MAP3K4: variants seen among roughly 807,000 people sequenced by gnomAD.
MAP3K4 encodes the protein mitogen-activated protein kinase kinase kinase 4.
Under a neutral mutation model 185.6 loss-of-function variants are expected in MAP3K4, and 67 were observed. The ratio of observed to expected loss-of-function variants is 0.36; its 90% CI spans 0.30 to 0.44. The LOEUF (loss-of-function observed/expected upper bound fraction) is 0.44, where lower values mean the gene tolerates loss of function less well. Among genes scored for constraint, MAP3K4 ranks in the 20% least tolerant of loss-of-function variants. The pLI is 1.00. For synonymous variants in MAP3K4, 702 were observed against 710.4 expected (o/e 0.99, Z 0.19); for missense variants, 1,551 against 1,995.1 (o/e 0.78, Z 4.24).
chr6:161,030,920 T>C (rs1489586559), intron 1 of MAP3K4, among the ~76,000 whole-genome samples: 1 of 152,224 alleles, frequency 6.6e-6, no homozygotes, highest in Non-Finnish European at 1.5e-5. Flanking sequence ...TAAGAAAATA[T>C]TAAATTCATT....
intron 1 of MAP3K4, among the ~76,000 whole-genome samples, chr6:161,020,728 A>C (rs1782347921): frequency 6.6e-6 from 1 of 151,930 alleles, no homozygotes; most frequent in South Asian, 2.1e-4. Context: ...ATTCAAGTTC[A>C]GGGAATTCTT....
At position 161,070,766 on chromosome 6, in the gene MAP3K4, C is replaced by G. The variant is rs1320846447; in HGVS notation, c.1866C>G (p.Val622=). ...CTGCCTTCCTAGTTCTCTGCCGAGT[C>G]CTTCTGAATGTCATACATGAGTGTC... ...FEPAFLVLCR[V]LLNVIHECLK... Residue 622 remains valine, a synonymous_variant, in exon 4 of 27, where the codon GTC becomes GTG. Coordinates refer to ENST00000392142, the MANE Select transcript of MAP3K4 (RefSeq NM_005922.4). This position sits in a 1 kb window ranked among gnomAD's most constrained non-coding sequence, Gnocchi z 4.5. 8.7e-6 allele frequency: 14 copies of G among 1,613,964 alleles called. No individual in the cohort carries two copies. The highest frequency in any genetic ancestry group is 1.3e-5 in the African/African-American group (1 of 74,916).
Position 161,063,869 on chromosome 6 carries a change from C to T in MAP3K4, c.1708-6739C>T, listed in dbSNP as rs1189257299. Among the ~76,000 whole-genome samples, 1 of 152,106 alleles carries T rather than the reference C, an allele frequency of 6.6e-6. No homozygotes were observed. Among genetic ancestry groups the T allele is most frequent in the African/African-American group, 2.4e-5 (1 of 41,416 alleles). On this transcript the variant is annotated intron_variant, in intron 3 of 26. Transcript: ENST00000392142. The surrounding 1 kb of genome is among the most constrained non-coding windows in gnomAD (Gnocchi z 5.4). ...TTGCCTCTTTACGCCCTTCAGACAC[C>T]CTGTTAATTTCCTCTGCTTCCCTCC...
chr6:161,068,299 G>A (rs960257709), intron 3 of MAP3K4, among the ~76,000 whole-genome samples: 3 of 152,226 alleles, frequency 2.0e-5, no homozygotes, highest in Non-Finnish European at 4.4e-5. Flanking sequence ...GGCAATCACA[G>A]AAAACTTCAT....
Position 161,109,689 on chromosome 6 carries a change from G to T in MAP3K4, c.4237-66G>T. 6.4e-7 allele frequency: 1 copy of T among 1,569,758 alleles called. No individual in the cohort carries two copies. Among genetic ancestry groups the T allele is most frequent in the Non-Finnish European group, 8.7e-7 (1 of 1,144,016 alleles). On this transcript the variant is annotated intron_variant, in intron 22 of 26. Coordinates refer to ENST00000392142, the MANE Select transcript of MAP3K4 (RefSeq NM_005922.4). The surrounding 1 kb of genome is among the most constrained non-coding windows in gnomAD (Gnocchi z 5.7). ...GGGGTGTGGCCTAGGAAGTTTTCCA[G>T]ATTTTTCACTAGCGTACATCTAAGG... is the stretch of plus-strand genomic sequence containing the variant.
At chr6:161,035,280 C>G in intron 2 of MAP3K4, among the ~76,000 whole-genome samples, 1 of 152,138 alleles carries the variant, frequency 6.6e-6, no homozygotes, top group East Asian at 1.9e-4. Flanking sequence ...TTCATCTTGT[C>G]TGAGAAATTT....
intron 1 of MAP3K4, among the ~76,000 whole-genome samples, chr6:161,001,442 C>T (rs1379617333): frequency 6.6e-6 from 1 of 151,946 alleles, no homozygotes; most frequent in Non-Finnish European, 1.5e-5. Flanking sequence ...TTGACATTTC[C>T]CCCGCTTCCC....
In MAP3K4 at chr6:161,049,427, CT is replaced by C; in HGVS notation, c.1157del (p.Phe386SerfsTer12). 1 of 1,614,064 alleles carries C rather than the reference CT, an allele frequency of 6.2e-7. No homozygotes were observed. The highest frequency in any genetic ancestry group is 8.5e-7 in the Non-Finnish European group (1 of 1,179,956). On this transcript the variant is annotated frameshift_variant, in exon 3 of 27. Coordinates refer to ENST00000392142, the MANE Select transcript of MAP3K4 (RefSeq NM_005922.4). LOFTEE classifies it high-confidence loss of function. This position sits in a 1 kb window ranked among gnomAD's most constrained non-coding sequence, Gnocchi z 8.4. The stretch of plus-strand genomic sequence containing the variant: ...ACTATGAAAAATATGCTGCAAAAGA[CT>C]TCCAGGACAGGGTGCAGGCACTCTG... ...KDYEKYAAKD[F>X]QDRVQALCLW...
chr6:161,097,256 C>A lies in MAP3K4; in HGVS notation c.3524+80C>A. The A allele has an allele frequency of 1.7e-6, 2 of 1,192,058 alleles. No homozygotes were observed. Among genetic ancestry groups the A allele is most frequent in the Non-Finnish European group, 2.5e-6 (2 of 807,338 alleles). 73.8% of individuals were successfully genotyped at this position (1,192,058 alleles called of 1,614,324 possible). ...CTCATACTTTTGAAACTACTAGATG[C>A]TTGCTCTGAGAGCTAAATACCTTTT... On this transcript the variant is annotated intron_variant, in intron 16 of 26. Transcript: ENST00000392142. The surrounding 1 kb of genome is among the most constrained non-coding windows in gnomAD (Gnocchi z 4.9).
chr6:161,000,832 CATACACATGTGTACGCACAT>C (rs1294378218), intron 1 of MAP3K4, among the ~76,000 whole-genome samples: 1 of 144,314 alleles, frequency 6.9e-6, no homozygotes, highest in South Asian at 2.1e-4. Context: ...TGTATGCACA[CATACACATGTGTACGCACAT>C]ATACACATGT....
intron 1 of MAP3K4, among the ~76,000 whole-genome samples, chr6:161,001,782 A>G (rs1477871726): frequency 2.0e-5 from 3 of 152,206 alleles, no homozygotes; most frequent in Non-Finnish European, 4.4e-5. Context: ...CGCATTTGAA[A>G]GGCAAAAATA....
rs559683901 is a variant in MAP3K4 at position 161,017,493 on chromosome 6, A to G, written c.153-16766A>G. Among the ~76,000 whole-genome samples, 1 of 152,330 alleles carries G rather than the reference A, an allele frequency of 6.6e-6. No individual in the cohort carries two copies. Among genetic ancestry groups the G allele is most frequent in the Admixed American group, 6.5e-5 (1 of 15,296 alleles). On this transcript the variant is annotated intron_variant, in intron 1 of 26. Transcript: ENST00000392142. The surrounding 1 kb of genome is among the most constrained non-coding windows in gnomAD (Gnocchi z 5.1). ...TTCTATTTATTTGGATATTTTAAATAGTATTAGGTTTGTAAAAGCCTAAGT... is the reference window on the plus strand; with the variant it reads ...TTCTATTTATTTGGATATTTTAAATGGTATTAGGTTTGTAAAAGCCTAAGT...
rs1013977382 is a variant in MAP3K4, at chr6:161,051,779, G to C, written c.1707+1800G>C. On this transcript the variant is annotated intron_variant, in intron 3 of 26. Transcript: ENST00000392142. The surrounding 1 kb of genome is among the most constrained non-coding windows in gnomAD (Gnocchi z 4.2). ...TCCTGTATGCTTTAAATCATCTATAGATTACTTATAATACCTAATACAATG... is the reference window on the plus strand; with the variant it reads ...TCCTGTATGCTTTAAATCATCTATACATTACTTATAATACCTAATACAATG... Among the ~76,000 whole-genome samples, 4 of 152,054 alleles carry C rather than the reference G, an allele frequency of 2.6e-5. No homozygotes were observed. The highest frequency in any genetic ancestry group is 5.9e-5 in the Non-Finnish European group (4 of 68,010).
At chr6:160,997,247 ATC>A (rs1455546759) in intron 1 of MAP3K4, among the ~76,000 whole-genome samples, 4 of 151,892 alleles carry the variant, frequency 2.6e-5, no homozygotes, top group African/African-American at 7.3e-5. Context: ...TCTCCCCATA[ATC>A]TCTGTCCCAC....
At chr6:161,040,080 C>G (rs1246509487) in intron 2 of MAP3K4, among the ~76,000 whole-genome samples, 1 of 152,150 alleles carries the variant, frequency 6.6e-6, no homozygotes, top group Admixed American at 6.5e-5. Flanking sequence ...TGCAAAAGGA[C>G]AGTTCATTTT....
chr6:161,117,112 G>A lies in MAP3K4; in HGVS notation c.*242G>A, dbSNP rs183180977. On this transcript the variant is annotated 3_prime_UTR_variant, in exon 27 of 27. Transcript: ENST00000392142. The stretch of plus-strand genomic sequence containing the variant: ...GTTAAGTGCCATTACTACTGTACAC[G>A]GACCATCGCCTCTGTCTCCTCCGTG... 1.9e-5 allele frequency: 10 copies of A among 523,840 alleles called. No homozygotes were observed. The highest frequency in any genetic ancestry group is 3.1e-5 in the East Asian group (1 of 32,122). The allele number at this position is 523,840 out of a possible 1,614,324, so 32.4% of individuals were successfully genotyped here. A position where few individuals can be genotyped will look rare whatever the true frequency, so the allele number is the denominator to read the frequency against.
rs765472087 is a variant in MAP3K4 at position 161,048,983 on chromosome 6, A to G, written c.711A>G (p.Ser237=). The G allele has an allele frequency of 3.7e-5, 60 of 1,613,926 alleles. No homozygotes were observed. Among genetic ancestry groups the G allele is most frequent in the Non-Finnish European group, 3.4e-6 (4 of 1,179,958 alleles). ...ETLRLLLKLT[S]VSKKKDREQR... ...TACGACTTTTGCTAAAGCTTACCTC[A>G]GTCTCAAAGAAAAAAGACAGGGAGC... Residue 237 remains serine, a synonymous_variant, in exon 3 of 27, where the codon TCA becomes TCG. Coordinates refer to ENST00000392142, the MANE Select transcript of MAP3K4 (RefSeq NM_005922.4). This position sits in a 1 kb window ranked among gnomAD's most constrained non-coding sequence, Gnocchi z 4.7.
rs939919545 is a variant in MAP3K4 at position 161,074,044 on chromosome 6, G to T, written c.2097+432G>T. The stretch of plus-strand genomic sequence containing the variant: ...TTTATAATACCTAGGATGTGCTAGG[G>T]ACCTTGCATGGCTCTGGGAGTGTTG... On this transcript the variant is annotated intron_variant, in intron 5 of 26. Transcript: ENST00000392142. The surrounding 1 kb of genome is among the most constrained non-coding windows in gnomAD (Gnocchi z 5.0). 1.3e-5 allele frequency among the ~76,000 whole-genome samples: 2 copies of T among 152,192 alleles called. No homozygotes were observed. The highest frequency in any genetic ancestry group is 4.8e-5 in the African/African-American group (2 of 41,438).
At position 161,091,542 on chromosome 6, in the gene MAP3K4, T is replaced by C; in HGVS notation, c.3135+2T>C. Reference sequence around the variant, plus strand: ...CAGGGGTACAATTTTGGATTTGAGGTAGGTTCAAAATAAGAGGAAACACGG... The same window carrying C: ...CAGGGGTACAATTTTGGATTTGAGGCAGGTTCAAAATAAGAGGAAACACGG... On this transcript the variant is annotated splice_donor_variant, in intron 12 of 26. Coordinates refer to ENST00000392142, the MANE Select transcript of MAP3K4 (RefSeq NM_005922.4). LOFTEE classifies it high-confidence loss of function. This position sits in a 1 kb window ranked among gnomAD's most constrained non-coding sequence, Gnocchi z 5.5. 1 of 1,609,984 alleles carries C rather than the reference T, an allele frequency of 6.2e-7. No homozygotes were observed. Among genetic ancestry groups the C allele is most frequent in the South Asian group, 1.1e-5 (1 of 90,462 alleles).
Sources: allele counts gnomAD v4.1 joint callset (sites outside exome capture counted in the v4.1 genomes callset), GRCh38; gene constraint gnomAD v4.1.1; non-coding constraint Gnocchi (gnomAD v3.1); transcripts MANE v1.5; gene names NCBI Gene and HGNC (gene_info 2026-07-23, HGNC 2026-07-21).